The following VPS13B variants were observed in gnomAD, a reference collection of about 807,000 sequenced individuals.
VPS13B encodes the protein vacuolar protein sorting 13 homolog B, also known as intermembrane lipid transfer protein VPS13B.
A neutral mutation model predicts 426.4 loss-of-function variants in VPS13B; 285 were observed. The ratio of observed to expected loss-of-function variants is 0.67; its 90% CI spans 0.61 to 0.74. VPS13B has a LOEUF of 0.74. VPS13B is among the 30% of genes least tolerant of loss of function. VPS13B has a pLI of 0.00. For synonymous variants in VPS13B, 1,676 were observed against 1,676.4 expected, an observed-to-expected ratio of 1.00 and a Z score of 0.01; for missense variants, 4,537 against 4,782.6, an observed-to-expected ratio of 0.95 and a Z score of 1.51.
intron 17 of VPS13B, among the ~76,000 whole-genome samples, chr8:99,240,715 C>T (rs558309673): frequency 1.6e-3 from 239 of 152,324 alleles, no homozygotes; most frequent in African/African-American, 5.4e-3. Flanking sequence ...AAATCACTTT[C>T]TCCAGCTATT....
chr8:99,298,440 G>A (rs1043213477), intron 19 of VPS13B, among the ~76,000 whole-genome samples: 1 of 152,164 alleles, frequency 6.6e-6, no homozygotes, highest in African/African-American at 2.4e-5. Flanking sequence ...GGTGAGCCGA[G>A]ATGGTGTCAC....
At position 99,642,378 on chromosome 8, in the gene VPS13B, C is replaced by T. The variant is rs1378624456; in HGVS notation, c.5788C>T (p.Leu1930=). Reference sequence around the variant, plus strand: ...TGGTGACTTACAGCTAGAGCCTTTTCTGTACTTTATTGTGTCCCAGCCTTC... The same window carrying T: ...TGGTGACTTACAGCTAGAGCCTTTTTTGTACTTTATTGTGTCCCAGCCTTC... ...GTGDLQLEPF[L]YFIVSQPSLL... is the part of the protein sequence containing the mutation. Residue 1930 remains leucine (L), a synonymous_variant, in exon 34 of 62, where the codon CTG becomes TTG. Coordinates refer to ENST00000357162, the MANE Select transcript of VPS13B (RefSeq NM_152564.5). 1.2e-6 allele frequency: 2 copies of T among 1,614,166 alleles called. No homozygotes were observed. Among genetic ancestry groups the T allele is most frequent in the Non-Finnish European group, 1.7e-6 (2 of 1,179,996 alleles).
chr8:99,303,169 A>T (rs952399199), intron 19 of VPS13B, among the ~76,000 whole-genome samples: 1 of 137,972 alleles, frequency 7.2e-6, no homozygotes, highest in African/African-American at 2.7e-5. Flanking sequence ...AATCCCAGCT[A>T]CTTGGGAGGC....
At chr8:99,048,634 G>T (rs1478284683) in intron 3 of VPS13B, among the ~76,000 whole-genome samples, 3 of 152,034 alleles carry the variant, frequency 2.0e-5, no homozygotes, top group Non-Finnish European at 2.9e-5. Flanking sequence ...GGCCAACATG[G>T]TGAAACCCCT....
chr8:99,720,256 C>A, intron 37 of VPS13B, 89 bp from the exon 38 acceptor site: 2 of 1,040,480 alleles, frequency 1.9e-6, no homozygotes, highest in Non-Finnish European at 2.9e-6. Context: ...TAATTACAGT[C>A]CTACATTAAT....
At chr8:99,240,090 A>G (rs1201633143) in intron 17 of VPS13B, among the ~76,000 whole-genome samples, 3 of 152,158 alleles carry the variant, frequency 2.0e-5, no homozygotes, top group Non-Finnish European at 4.4e-5. Context: ...TCAAAATTCA[A>G]TGAAGTTTAG....
intron 24 of VPS13B, among the ~76,000 whole-genome samples, chr8:99,471,880 A>C (rs187145175): frequency 1.3e-5 from 2 of 152,272 alleles, no homozygotes; most frequent in African/African-American, 4.8e-5. Flanking sequence ...ATTATTGGTG[A>C]AACACTCCAA....
intron 33 of VPS13B, among the ~76,000 whole-genome samples, chr8:99,613,519 A>G (rs1268285727): frequency 6.6e-6 from 1 of 152,232 alleles, no homozygotes; most frequent in East Asian, 1.9e-4. Flanking sequence ...ATATGAAACA[A>G]TAGATAGCAC....
intron 21 of VPS13B, among the ~76,000 whole-genome samples, chr8:99,419,630 A>G (rs1207576241): frequency 6.6e-6 from 1 of 152,198 alleles, no homozygotes. Context: ...TTGATTTCCC[A>G]TGAACAGAAA....
intron 31 of VPS13B, among the ~76,000 whole-genome samples, chr8:99,560,661 G>C (rs564964872): frequency 6.6e-6 from 1 of 152,294 alleles, no homozygotes; most frequent in East Asian, 1.9e-4. Flanking sequence ...TGCAATAATG[G>C]AGTCATCAGC....
At chr8:99,168,654 C>T (rs900007343) in intron 15 of VPS13B, among the ~76,000 whole-genome samples, 7 of 151,890 alleles carry the variant, frequency 4.6e-5, no homozygotes, top group African/African-American at 1.7e-4. Flanking sequence ...TTGCTCAGAA[C>T]AGGTCTTCAA....
At chr8:99,281,352 T>G (rs1819160950) in intron 19 of VPS13B, among the ~76,000 whole-genome samples, 1 of 152,194 alleles carries the variant, frequency 6.6e-6, no homozygotes, top group Non-Finnish European at 1.5e-5. Flanking sequence ...GTCTTTTTTG[T>G]TTTTGCACTT....
intron 43 of VPS13B, among the ~76,000 whole-genome samples, chr8:99,790,786 C>T (rs1221827558): frequency 1.3e-5 from 2 of 151,930 alleles, no homozygotes; most frequent in South Asian, 2.1e-4. Flanking sequence ...AGGGTGGAGG[C>T]GATATTCCAG....
chr8:99,481,020 GT>G (rs777904533), intron 24 of VPS13B, among the ~76,000 whole-genome samples: 20 of 152,034 alleles, frequency 1.3e-4, no homozygotes, highest in Non-Finnish European at 2.4e-4. Context: ...AAATTAAACA[GT>G]TTTTTCTCCG....
chr8:99,436,774 TGTC>T (rs1817400482), intron 22 of VPS13B, among the ~76,000 whole-genome samples: 1 of 152,158 alleles, frequency 6.6e-6, no homozygotes, highest in South Asian at 2.1e-4. Flanking sequence ...GAGTCTTAGT[TGTC>T]GCCCAGGCTG....
chr8:99,286,889 AG>A (rs769826614), intron 19 of VPS13B, among the ~76,000 whole-genome samples: 2 of 152,138 alleles, frequency 1.3e-5, no homozygotes, highest in Non-Finnish European at 2.9e-5. Context: ...ATGAAATAAC[AG>A]TTTTTTGAAG....
At chr8:99,335,601 A>C (rs1477421858) in intron 19 of VPS13B, among the ~76,000 whole-genome samples, 1 of 152,092 alleles carries the variant, frequency 6.6e-6, no homozygotes, top group Non-Finnish European at 1.5e-5. Flanking sequence ...ACATGATTGG[A>C]TATCTAGAAA....
chr8:99,711,715 G>T (rs1020838476), intron 36 of VPS13B, among the ~76,000 whole-genome samples: 2 of 152,220 alleles, frequency 1.3e-5, no homozygotes, highest in Non-Finnish European at 2.9e-5. Flanking sequence ...GTTCTGGGAT[G>T]TCTCTTCCCC....
intron 13 of VPS13B, among the ~76,000 whole-genome samples, chr8:99,147,476 G>T (rs1810800691): frequency 6.6e-6 from 1 of 152,078 alleles, no homozygotes; most frequent in South Asian, 2.1e-4. Flanking sequence ...CATGGAGCTG[G>T]ATCTTCCCCC....
Sources: allele counts gnomAD v4.1 joint callset (sites outside exome capture counted in the v4.1 genomes callset), GRCh38; gene constraint gnomAD v4.1.1; transcripts MANE v1.5; gene names NCBI Gene and HGNC (gene_info 2026-07-23, HGNC 2026-07-21).